Variants in MMP17 observed in about 807,000 individuals in gnomAD.
The protein encoded by MMP17 is matrix metalloproteinase-17.
In MMP17, 54 loss-of-function variants were observed where a neutral mutation model predicts 49.1. The ratio of observed to expected loss-of-function variants is 1.10; its 90% CI spans 0.88 to 1.38. MMP17 has a LOEUF of 1.38. MMP17 is among the 40% of genes most tolerant of loss of function. MMP17 has a pLI of 0.00. For missense variants in MMP17, 837 were observed against 853.7 expected, an observed-to-expected ratio of 0.98 and a Z score of 0.24; for synonymous variants, 397 against 383.1, an observed-to-expected ratio of 1.04 and a Z score of -0.42.
At position 131,840,381 on chromosome 12, in the gene MMP17, G is replaced by A. The variant is rs560959517; in HGVS notation, c.423-192G>A. 807 of 560,622 alleles carry A rather than the reference G, an allele frequency of 1.4e-3. 24 individuals carry two copies. The South Asian group carries it at 0.023, about 16-fold the overall frequency. 34.7% of individuals were successfully genotyped at this position (560,622 alleles called of 1,614,324 possible). On this transcript the variant is annotated intron_variant, in intron 3 of 9. Transcript: ENST00000360564. Reference sequence around the variant, plus strand: ...CCTGGGCTCTCATTTCCCTCCCTCCGTCATCTATCCCAGTGAACTACTGGA... The same window carrying A: ...CCTGGGCTCTCATTTCCCTCCCTCCATCATCTATCCCAGTGAACTACTGGA...
rs558308062 is a variant in MMP17, at chr12:131,836,324, C to T, written c.160-1871C>T. ...CCTGTTGCTGATGCCCCTGGGACTT[C>T]CAGGATGGTGGTGCCTCATTCCTCT... On this transcript the variant is annotated intron_variant, in intron 1 of 9. Coordinates refer to ENST00000360564, the MANE Select transcript of MMP17 (RefSeq NM_016155.7). 1.2e-4 allele frequency among the ~76,000 whole-genome samples: 18 copies of T among 152,276 alleles called. No individual in the cohort carries two copies. The South Asian group carries it at 3.3e-3, about 28-fold the overall frequency.
chr12:131,831,063 T>A (rs892890798), intron 1 of MMP17, among the ~76,000 whole-genome samples: 6 of 152,228 alleles, frequency 3.9e-5, no homozygotes, highest in African/African-American at 1.2e-4. Flanking sequence ...CCGTGGGCCG[T>A]GCGATTGCAG....
intron 1 of MMP17, among the ~76,000 whole-genome samples, chr12:131,833,736 T>C (rs1476512852): frequency 6.6e-6 from 1 of 152,114 alleles, no homozygotes; most frequent in Non-Finnish European, 1.5e-5. Flanking sequence ...CACAGATGAG[T>C]ATGGGGGTCG....
intron 4 of MMP17, 126 bp downstream of exon 4, chr12:131,840,982 G>T: frequency 8.3e-7 from 1 of 1,207,586 alleles, no homozygotes; most frequent in Non-Finnish European, 1.1e-6. Flanking sequence ...CCTGAGCACG[G>T]CTGGGCATTT....
chr12:131,842,454 C>T (rs1383997868), intron 5 of MMP17, among the ~76,000 whole-genome samples: 1 of 152,204 alleles, frequency 6.6e-6, no homozygotes, highest in African/African-American at 2.4e-5. Flanking sequence ...ATCGTTTCCA[C>T]TGTAGTAAAA....
chr12:131,835,324 T>C (rs10794437), intron 1 of MMP17, among the ~76,000 whole-genome samples: 152,187 of 152,382 alleles, frequency 1, 75,998 homozygotes, highest in Middle Eastern at 1. Context: ...GGGCTGGTGC[T>C]GGGGCCCTGG....
rs150044830 is a variant in MMP17 at position 131,840,659 on chromosome 12, T to G, written c.509T>G (p.Ile170Ser). Residue 170 changes from isoleucine (I) to serine (S), a missense_variant, in exon 4 of 10, where the codon ATT becomes AGT. Ile to Ser is a moderately radical substitution (Grantham distance 142). Coordinates refer to ENST00000360564, the MANE Select transcript of MMP17 (RefSeq NM_016155.7). ...TACGCCCTCAAGGTCTGGAGCGACA[T>G]TGCGCCCCTGAACTTCCACGAGGTG... ...MYYALKVWSD[I>S]APLNFHEVAG... The G allele has an allele frequency of 2.2e-4, 350 of 1,608,874 alleles. No individual in the cohort carries two copies. Among genetic ancestry groups the G allele is most frequent in the Non-Finnish European group, 2.8e-4 (331 of 1,179,952 alleles).
rs560826979 is a variant in MMP17, at chr12:131,846,621, C to T, written c.1204+1172C>T. Among the ~76,000 whole-genome samples the T allele has an allele frequency of 8.5e-5, 13 of 152,232 alleles. No homozygotes were observed. Among genetic ancestry groups the T allele is most frequent in the South Asian group, 2.1e-4 (1 of 4,818 alleles). ...AACTCCTGACTTCAGGTGATCCACC[C>T]GCCTTGGTGTCCCAAAGTGCCAAGA... On this transcript the variant is annotated intron_variant, in intron 8 of 9. Transcript: ENST00000360564. The surrounding 1 kb of genome is among the most constrained non-coding windows in gnomAD (Gnocchi z 4.6).
intron 5 of MMP17, 54 bp from the exon 6 acceptor site, chr12:131,843,943 G>T: frequency 9.1e-6 from 12 of 1,313,916 alleles, no homozygotes; most frequent in South Asian, 3.9e-5. Flanking sequence ...GGTGGGATGT[G>T]GGGGGAGGCG....
At chr12:131,845,882 C>T (rs558183494) in intron 8 of MMP17, among the ~76,000 whole-genome samples, 4 of 152,272 alleles carry the variant, frequency 2.6e-5, no homozygotes, top group Admixed American at 2.6e-4. Flanking sequence ...CCAAAAACAT[C>T]AAAGGGGCTG....
intron 8 of MMP17, among the ~76,000 whole-genome samples, chr12:131,848,120 C>G (rs1430872777): frequency 1.3e-5 from 2 of 152,162 alleles, no homozygotes. Context: ...GAGTCTCACT[C>G]TATCACCCAG....
At chr12:131,850,256 G>A (rs889651405) in intron 9 of MMP17, among the ~76,000 whole-genome samples, 197 bp downstream of exon 9, 6 of 152,096 alleles carry the variant, frequency 3.9e-5, no homozygotes, top group East Asian at 1.9e-4. Flanking sequence ...CCTGGCCCAC[G>A]AGCTGCCCTT....
Position 131,851,338 on chromosome 12 carries a change from CTG to C in MMP17, c.*67_*68del, listed in dbSNP as rs1350269942. The C allele has an allele frequency of 7.6e-7, 1 of 1,320,612 alleles. No homozygotes were observed. Among genetic ancestry groups the C allele is most frequent in the African/African-American group, 1.5e-5 (1 of 65,326 alleles). The allele number at this position is 1,320,612 out of a possible 1,614,324, so 81.8% of individuals were successfully genotyped here. A position where few individuals can be genotyped will look rare whatever the true frequency, so the allele number is the denominator to read the frequency against. On this transcript the variant is annotated 3_prime_UTR_variant, in exon 10 of 10. Transcript: ENST00000360564. Reference sequence around the variant, plus strand: ...ACAGCCTGGCCACAGAGGGCAAGGACTGTGCCGGAGTCCCTGGGGGAGGTGCT... The same window carrying C: ...ACAGCCTGGCCACAGAGGGCAAGGACTGCCGGAGTCCCTGGGGGAGGTGCT...
intron 2 of MMP17, 34 bp from the exon 3 acceptor site, chr12:131,838,578 G>T: frequency 6.3e-7 from 1 of 1,596,238 alleles, no homozygotes; most frequent in Non-Finnish European, 8.5e-7. Flanking sequence ...GGAGTGAGCT[G>T]GGCTAGGCTC....
intron 5 of MMP17, among the ~76,000 whole-genome samples, 181 bp from the exon 6 acceptor site, chr12:131,843,816 T>C (rs117584335): frequency 0.02 from 3,042 of 152,050 alleles, 53 homozygotes; most frequent in Non-Finnish European, 0.029. Context: ...CGGCGAGGGG[T>C]CTGACTCCCA....
At position 131,840,750 on chromosome 12, in the gene MMP17, C is replaced by T. The variant is rs767330383; in HGVS notation, c.600C>T (p.Phe200=). 11 of 1,604,246 alleles carry T rather than the reference C, an allele frequency of 6.9e-6. No individual in the cohort carries two copies. The highest frequency in any genetic ancestry group is 1.6e-4 in the Middle Eastern group (1 of 6,084). The change falls in exon 4 of 10, where the codon TTC becomes TTT. Residue 200 remains phenylalanine, a synonymous_variant. Coordinates refer to ENST00000360564, the MANE Select transcript of MMP17 (RefSeq NM_016155.7). ...SKADHNDGYP[F]DGPGGTVAHA... ...CCGACCATAACGACGGCTACCCCTT[C>T]GACGGCCCCGGCGGCACCGTGGCCC...
chr12:131,841,643 G>A lies in MMP17; in HGVS notation c.726G>A (p.Leu242=), dbSNP rs1566088557. The A allele has an allele frequency of 6.2e-7, 1 of 1,614,102 alleles. No individual in the cohort carries two copies. The highest frequency in any genetic ancestry group is 2.2e-5 in the East Asian group (1 of 44,876). ...FRSSDAHGMD[L]FAVAVHEFGH... ...CCCCAGATGCCCACGGGATGGACCT[G>A]TTTGCAGTGGCTGTCCACGAGTTTG... is the stretch of plus-strand genomic sequence containing the variant. The change falls in exon 5 of 10, where the codon CTG becomes CTA. Residue 242 remains leucine (L), a synonymous_variant. Coordinates refer to ENST00000360564, the MANE Select transcript of MMP17 (RefSeq NM_016155.7).
Position 131,828,627 on chromosome 12 carries a change from CGCGCCGA to C in MMP17, c.135_141del (p.Ala46ThrfsTer9). ...CTGCGCCGCGCCCGCACCCGCGCCG[CGCGCCGA>C]GGACCTCAGCCTGGGAGTGGTGAGC... On this transcript the variant is annotated frameshift_variant, in exon 1 of 10. Transcript: ENST00000360564. 1 of 757,430 alleles carries C rather than the reference CGCGCCGA, an allele frequency of 1.3e-6. No homozygotes were observed. Among genetic ancestry groups the C allele is most frequent in the Non-Finnish European group, 1.7e-6 (1 of 601,254 alleles). The allele number at this position is 757,430 out of a possible 1,614,324, so 46.9% of individuals were successfully genotyped here. A position where few individuals can be genotyped will look rare whatever the true frequency, so the allele number is the denominator to read the frequency against.
chr12:131,838,055 G>A, intron 1 of MMP17, 140 bp from the exon 2 acceptor site: 3 of 1,092,564 alleles, frequency 2.7e-6, no homozygotes, highest in Non-Finnish European at 3.9e-6. Flanking sequence ...GCTGCCCAGG[G>A]AAGAGACAAG....
Sources: allele counts gnomAD v4.1 joint callset (sites outside exome capture counted in the v4.1 genomes callset), GRCh38; gene constraint gnomAD v4.1.1; non-coding constraint Gnocchi (gnomAD v3.1); transcripts MANE v1.5; gene names NCBI Gene and HGNC (gene_info 2026-07-23, HGNC 2026-07-21).